The following AMOTL1 variants were observed in gnomAD, a reference collection of about 807,000 sequenced individuals.
AMOTL1 encodes angiomotin like 1.
A neutral mutation model predicts 102.9 loss-of-function variants in AMOTL1; 45 were observed. That is an observed-to-expected ratio of 0.44 (90% CI 0.34 to 0.56). The LOEUF is 0.56. AMOTL1 is among the 20% of genes least tolerant of loss of function. The probability of loss-of-function intolerance (pLI) is 0.01; values close to 1 mark genes in which losing one functional copy is unlikely to be tolerated. For missense variants in AMOTL1, 1,114 were observed against 1,225.6 expected (o/e 0.91, Z 1.36); for synonymous variants, 481 against 484.7 (o/e 0.99, Z 0.10).
At chr11:94,808,965 CTTTTTTTTTT>C (rs199619372) in intron 3 of AMOTL1, among the ~76,000 whole-genome samples, 1 of 111,894 alleles carries the variant, frequency 8.9e-6, no homozygotes, top group African/African-American at 3.6e-5. Flanking sequence ...TTCTTTCTTT[CTTTTTTTTTT>C]TTTTTTTTTT....
chr11:94,752,559 A>T (rs1370940170), intron 3 of AMOTL1, among the ~76,000 whole-genome samples: 2 of 152,220 alleles, frequency 1.3e-5, no homozygotes, highest in Non-Finnish European at 2.9e-5. Context: ...TCAAATATGT[A>T]TAAACATTTA....
chr11:94,721,118 G>A (rs1355305069), intron 1 of AMOTL1, among the ~76,000 whole-genome samples: 1 of 152,074 alleles, frequency 6.6e-6, no homozygotes, highest in African/African-American at 2.4e-5. Context: ...TAAGAGCCTA[G>A]GAGGTCAGGA....
chr11:94,707,719 C>T (rs1055530194), intron 1 of AMOTL1, among the ~76,000 whole-genome samples: 1 of 152,100 alleles, frequency 6.6e-6, no homozygotes, highest in Non-Finnish European at 1.5e-5. Context: ...CTTCTGTGTC[C>T]CCTAGGTCTG....
chr11:94,710,950 A>G (rs575806145), intron 1 of AMOTL1, among the ~76,000 whole-genome samples: 1 of 152,180 alleles, frequency 6.6e-6, no homozygotes, highest in African/African-American at 2.4e-5. Flanking sequence ...ACTATTTTTA[A>G]AGTTGTGTTT....
chr11:94,730,015 G>A (rs1311718468), intron 2 of AMOTL1, among the ~76,000 whole-genome samples: 1 of 152,086 alleles, frequency 6.6e-6, no homozygotes, highest in Non-Finnish European at 1.5e-5. Context: ...GTCGCCAAAG[G>A]GAAGACAGGA....
intron 3 of AMOTL1, among the ~76,000 whole-genome samples, chr11:94,753,024 CT>C (rs1215071172): frequency 3.3e-5 from 5 of 152,172 alleles, no homozygotes; most frequent in Non-Finnish European, 7.3e-5. Flanking sequence ...AAATATTTAC[CT>C]GCTAGCTCTA....
chr11:94,748,388 T>C (rs1356789348), intron 3 of AMOTL1, among the ~76,000 whole-genome samples: 1 of 152,206 alleles, frequency 6.6e-6, no homozygotes, highest in African/African-American at 2.4e-5. Context: ...TGTTCACTTA[T>C]ATTCCATTGG....
chr11:94,871,055 G>A lies in AMOTL1; in HGVS notation c.*260G>A, dbSNP rs1439270970. 2.9e-6 allele frequency: 1 copy of A among 340,792 alleles called. No homozygotes were observed. The highest frequency in any genetic ancestry group is 5.3e-6 in the Non-Finnish European group (1 of 187,416). 21.1% of individuals were successfully genotyped at this position (340,792 alleles called of 1,614,324 possible). A position where few individuals can be genotyped will look rare whatever the true frequency, so the allele number is the denominator to read the frequency against. Reference sequence around the variant, plus strand: ...GGTTTGCAAACAAAGTTAAGAAATAGGAAACTGAATTTTTCATTGTACAGA... The same window carrying A: ...GGTTTGCAAACAAAGTTAAGAAATAAGAAACTGAATTTTTCATTGTACAGA... On this transcript the variant is annotated 3_prime_UTR_variant, in exon 13 of 13. Coordinates refer to ENST00000433060, the MANE Select transcript of AMOTL1 (RefSeq NM_130847.3).
chr11:94,847,631 T>C (rs1952444485), intron 6 of AMOTL1, among the ~76,000 whole-genome samples: 1 of 152,088 alleles, frequency 6.6e-6, no homozygotes, highest in South Asian at 2.1e-4. Flanking sequence ...GGCCTCATAA[T>C]TGTAAAGTAG....
At chr11:94,786,970 T>C (rs1028397188) in intron 1 of AMOTL1, among the ~76,000 whole-genome samples, 3 of 152,204 alleles carry the variant, frequency 2.0e-5, no homozygotes, top group African/African-American at 7.2e-5. Flanking sequence ...CTTGCTGTGA[T>C]CTTATTTCTG....
At position 94,745,962 on chromosome 11, in the gene AMOTL1, A is replaced by C. The variant is rs541629655; in HGVS notation, c.136+4974A>C. On this transcript the variant is annotated intron_variant, in intron 3 of 4. Coordinates refer to the AMOTL1 transcript ENST00000299004. ...GATTCGTCCCTGGAGCCACATGTGG[A>C]ATGGTTTTCCATCTGAGGTTTTGGT... is the stretch of plus-strand genomic sequence containing the variant. 2.2e-4 allele frequency among the ~76,000 whole-genome samples: 34 copies of C among 152,254 alleles called. No individual in the cohort carries two copies. In the South Asian group the frequency reaches 6.6e-3, roughly 30 times the overall value.
At chr11:94,739,092 A>G (rs556893317) in intron 2 of AMOTL1, among the ~76,000 whole-genome samples, 1 of 152,362 alleles carries the variant, frequency 6.6e-6, no homozygotes, top group South Asian at 2.1e-4. Flanking sequence ...CAGAGGATCC[A>G]TAGATGGCTG....
intron 2 of AMOTL1, among the ~76,000 whole-genome samples, chr11:94,736,682 G>A (rs564369504): frequency 2.2e-4 from 33 of 152,242 alleles, no homozygotes; most frequent in African/African-American, 5.1e-4. Context: ...GAAAATGCCT[G>A]CCACCCAATA....
chr11:94,756,610 T>C lies in AMOTL1; in HGVS notation c.136+15622T>C, dbSNP rs1251701885. ...ACCAACTACTGTTTGAAAAACATTA[T>C]TGCTATATAGTGTTACAGAGCAAAT... On this transcript the variant is annotated intron_variant, in intron 3 of 4. Transcript: ENST00000299004. 2.6e-5 allele frequency among the ~76,000 whole-genome samples: 4 copies of C among 152,260 alleles called. No homozygotes were observed. In the East Asian group the frequency reaches 5.8e-4, roughly 22 times the overall value.
intron 3 of AMOTL1, among the ~76,000 whole-genome samples, chr11:94,761,814 A>T (rs889586008): frequency 6.6e-6 from 1 of 152,198 alleles, no homozygotes; most frequent in African/African-American, 2.4e-5. Context: ...GGCTTTTAAA[A>T]AGGTGTAAGA....
chr11:94,800,039 G>T lies in AMOTL1; in HGVS notation c.849G>T (p.Gly283=). Residue 283 remains glycine (G), a synonymous_variant, in exon 3 of 13, where the codon GGG becomes GGT. Coordinates refer to ENST00000433060, the MANE Select transcript of AMOTL1 (RefSeq NM_130847.3). ...NGAKQHLPGS[G]NGKGFKVGGG... The stretch of plus-strand genomic sequence containing the variant: ...CCAAGCAACACCTTCCCGGCTCGGG[G>T]AATGGAAAGGGCTTCAAAGTAGGAG... 1 of 1,614,054 alleles carries T rather than the reference G, an allele frequency of 6.2e-7. No individual in the cohort carries two copies. The highest frequency in any genetic ancestry group is 1.6e-4 in the Middle Eastern group (1 of 6,062).
intron 1 of AMOTL1, among the ~76,000 whole-genome samples, chr11:94,723,682 ACT>A (rs548292879): frequency 2.6e-5 from 4 of 151,910 alleles, no homozygotes; most frequent in Non-Finnish European, 4.4e-5. Context: ...AAGTATCTCA[ACT>A]CTCTAAACAT....
intron 1 of AMOTL1, among the ~76,000 whole-genome samples, chr11:94,715,698 AG>A (rs1950085947): frequency 1.3e-5 from 2 of 152,098 alleles, no homozygotes; most frequent in African/African-American, 4.8e-5. Flanking sequence ...TGGCCTTCAT[AG>A]TTTCAAACGA....
intron 11 of AMOTL1, among the ~76,000 whole-genome samples, chr11:94,868,652 G>A (rs1326584456): frequency 6.6e-6 from 1 of 152,152 alleles, no homozygotes; most frequent in African/African-American, 2.4e-5. Flanking sequence ...AAGGAGTGGG[G>A]TGGAATTGTG....
Sources: allele counts gnomAD v4.1 joint callset (sites outside exome capture counted in the v4.1 genomes callset), GRCh38; gene constraint gnomAD v4.1.1; transcripts MANE v1.5; gene names NCBI Gene and HGNC (gene_info 2026-07-23, HGNC 2026-07-21).